Variants in SLC9A9 observed in about 807,000 individuals in gnomAD.
SLC9A9 encodes solute carrier family 9 member A9, also known as sodium/hydrogen exchanger 9.
SLC9A9 carries 62 observed loss-of-function variants against 77.8 expected under a neutral mutation model. That is an observed-to-expected ratio of 0.80 (90% CI 0.65 to 0.98). SLC9A9 has a LOEUF of 0.98. Ranked by LOEUF, SLC9A9 falls within the 50% of genes least tolerant of loss-of-function variation. SLC9A9 has a pLI of 0.00. For missense variants in SLC9A9, 775 were observed against 774.9 expected, an observed-to-expected ratio of 1.00 and a Z score of 0.00; for synonymous variants, 320 against 283.5, an observed-to-expected ratio of 1.13 and a Z score of -1.29.
At chr3:143,391,097 G>C (rs2033554943) in intron 12 of SLC9A9, among the ~76,000 whole-genome samples, 1 of 152,256 alleles carries the variant, frequency 6.6e-6, no homozygotes, top group Non-Finnish European at 1.5e-5. Context: ...GCTTTGAAGA[G>C]AGTAGTGGTT....
intron 5 of SLC9A9, among the ~76,000 whole-genome samples, chr3:143,670,708 T>C (rs1339100363): frequency 6.6e-6 from 1 of 152,220 alleles, no homozygotes; most frequent in African/African-American, 2.4e-5. Flanking sequence ...TTTACAAAGC[T>C]GCCTGGATTA....
At chr3:143,314,341 CTG>C (rs2031129487) in intron 14 of SLC9A9, 1 of 152,296 alleles carries the variant, frequency 6.6e-6, no homozygotes, top group African/African-American at 2.4e-5. Context: ...TCCCTCCACA[CTG>C]TGCTGACCCT....
chr3:143,404,165 ATT>A (rs1223426108), intron 12 of SLC9A9, among the ~76,000 whole-genome samples: 1 of 139,258 alleles, frequency 7.2e-6, no homozygotes, highest in African/African-American at 2.7e-5. Context: ...TTTTTGTATA[ATT>A]TTTCTTTTTT....
intron 6 of SLC9A9, among the ~76,000 whole-genome samples, chr3:143,646,490 T>C (rs944061030): frequency 5.3e-5 from 8 of 149,786 alleles, no homozygotes; most frequent in African/African-American, 2.0e-4. Context: ...AAATTTCCTG[T>C]TTACTTAAAA....
At chr3:143,578,018 A>G (rs560983569) in intron 7 of SLC9A9, among the ~76,000 whole-genome samples, 1 of 152,268 alleles carries the variant, frequency 6.6e-6, no homozygotes, top group South Asian at 2.1e-4. Context: ...AACAACAACA[A>G]AAAGGAATCA....
At chr3:143,790,333 G>A (rs549444394) in intron 4 of SLC9A9, among the ~76,000 whole-genome samples, 4 of 152,240 alleles carry the variant, frequency 2.6e-5, no homozygotes, top group East Asian at 1.9e-4. Context: ...AAATGGATTC[G>A]TACCATTCCT....
Position 143,848,280 on chromosome 3 carries a change from G to A in SLC9A9, c.43C>T (p.Gln15Ter). 6 of 1,613,964 alleles carry A rather than the reference G, an allele frequency of 3.7e-6. No individual in the cohort carries two copies. The highest frequency in any genetic ancestry group is 5.1e-6 in the Non-Finnish European group (6 of 1,179,916). ...SRVMSEKDEY[Q>*]FQHQGAVELL... ...TCCACCGCTCCCTGATGTTGAAACT[G>A]ATACTCATCCTTTTCTGACATAACC... Residue 15 changes from glutamine (Q) to a stop codon, truncating the protein, a stop_gained, in exon 1 of 16, where the codon CAG (glutamine) becomes TAG (stop). Transcript: ENST00000316549. LOFTEE classifies it high-confidence loss of function.
At chr3:143,588,603 G>A (rs1003999111) in intron 6 of SLC9A9, among the ~76,000 whole-genome samples, 1 of 152,188 alleles carries the variant, frequency 6.6e-6, no homozygotes, top group Non-Finnish European at 1.5e-5. Flanking sequence ...CATTTTCTTT[G>A]AAAAGAGATC....
chr3:143,431,036 T>C (rs578073246), intron 12 of SLC9A9, among the ~76,000 whole-genome samples: 1 of 152,352 alleles, frequency 6.6e-6, no homozygotes, highest in Admixed American at 6.5e-5. Flanking sequence ...GGTTTCCTAA[T>C]ACATGAGAAA....
At chr3:143,576,337 T>C (rs1480639578) in intron 7 of SLC9A9, among the ~76,000 whole-genome samples, 1 of 152,230 alleles carries the variant, frequency 6.6e-6, no homozygotes, top group Non-Finnish European at 1.5e-5. Flanking sequence ...TGGCACACAG[T>C]AACGTTTTCA....
At chr3:143,694,082 A>G (rs543413848) in intron 4 of SLC9A9, among the ~76,000 whole-genome samples, 40 of 152,262 alleles carry the variant, frequency 2.6e-4, no homozygotes, top group African/African-American at 9.4e-4. Context: ...GGTGAACTGA[A>G]TCACAGTGTA....
intron 6 of SLC9A9, among the ~76,000 whole-genome samples, chr3:143,613,355 C>G (rs2038051063): frequency 6.6e-6 from 1 of 152,122 alleles, no homozygotes; most frequent in Non-Finnish European, 1.5e-5. Flanking sequence ...AAAATTAAGA[C>G]TGTTGTGAAA....
intron 12 of SLC9A9, among the ~76,000 whole-genome samples, chr3:143,403,607 C>T (rs1029896017): frequency 6.6e-6 from 1 of 151,998 alleles, no homozygotes; most frequent in African/African-American, 2.4e-5. Flanking sequence ...GATAGTTTTG[C>T]TGGGTATTGG....
intron 14 of SLC9A9, among the ~76,000 whole-genome samples, chr3:143,338,747 A>T (rs2032003404): frequency 6.6e-6 from 1 of 152,154 alleles, no homozygotes; most frequent in Non-Finnish European, 1.5e-5. Context: ...AGGCTTCAAA[A>T]GTATTACCAG....
At chr3:143,601,823 C>T (rs1346178314) in intron 6 of SLC9A9, among the ~76,000 whole-genome samples, 1 of 152,102 alleles carries the variant, frequency 6.6e-6, no homozygotes, top group Non-Finnish European at 1.5e-5. Context: ...GAGGAAACAC[C>T]TTCACTGGTC....
rs574315366 is a variant in SLC9A9 at position 143,304,255 on chromosome 3, G to A, written c.1605-35275C>T. On this transcript the variant is annotated intron_variant, in intron 14 of 15. Coordinates refer to ENST00000316549, the MANE Select transcript of SLC9A9 (RefSeq NM_173653.4). ...TAGGTGAGATTTCTCCTAGATAGAT[G>A]GCCTCAGGGAGAAGAGAGGTGAAAA... Among the ~76,000 whole-genome samples, 16 of 152,256 alleles carry A rather than the reference G, an allele frequency of 1.1e-4. No individual in the cohort carries two copies. The South Asian group carries it at 2.9e-3, about 28-fold the overall frequency.
At chr3:143,518,134 C>T in intron 9 of SLC9A9, 11 of 1,600,408 alleles carry the variant, frequency 6.9e-6, no homozygotes, top group Non-Finnish European at 9.3e-6. Flanking sequence ...CCACCCACTC[C>T]CTCAGGAAGC....
chr3:143,520,544 C>T (rs1464013373), intron 9 of SLC9A9, among the ~76,000 whole-genome samples: 1 of 152,186 alleles, frequency 6.6e-6, no homozygotes, highest in African/African-American at 2.4e-5. Flanking sequence ...ACAAATAGAT[C>T]TTATAACATG....
At chr3:143,566,450 G>GT (rs1205327048) in intron 8 of SLC9A9, among the ~76,000 whole-genome samples, 1 of 152,154 alleles carries the variant, frequency 6.6e-6, no homozygotes, top group African/African-American at 2.4e-5. Context: ...AGTGTTACTT[G>GT]TTTTTAACTT....
Sources: gnomAD v4.1 joint callset for allele counts (sites outside exome capture counted in the v4.1 genomes callset) on GRCh38, gnomAD v4.1.1 for gene constraint, MANE v1.5 for transcripts, NCBI Gene and HGNC (gene_info 2026-07-23, HGNC 2026-07-21) for gene names.